PTBP3: variants seen among roughly 807,000 people sequenced by gnomAD.
PTBP3 encodes the protein polypyrimidine tract binding protein 3.
A neutral mutation model predicts 58.7 loss-of-function variants in PTBP3; 20 were observed. The ratio of observed to expected loss-of-function variants is 0.34; its 90% CI spans 0.24 to 0.50. PTBP3 has a LOEUF of 0.50. Among genes scored for constraint, PTBP3 ranks in the 20% least tolerant of loss-of-function variants. PTBP3 has a pLI of 0.98. For synonymous variants in PTBP3, 185 were observed against 219.8 expected (o/e 0.84, Z 1.40); for missense variants, 509 against 637.2 (o/e 0.80, Z 2.17).
At chr9:112,325,813 CA>C (rs1265946417) in intron 1 of PTBP3, among the ~76,000 whole-genome samples, 2 of 152,086 alleles carry the variant, frequency 1.3e-5, no homozygotes, top group African/African-American at 4.8e-5. Flanking sequence ...GGCTTGAGCC[CA>C]GGAGACCAGC....
At chr9:112,250,856 A>T in intron 7 of PTBP3, 73 bp downstream of exon 7, 1 of 1,345,174 alleles carries the variant, frequency 7.4e-7, no homozygotes, top group Non-Finnish European at 9.8e-7. Flanking sequence ...AGGCTTATAA[A>T]CATACATGGC....
At position 112,303,730 on chromosome 9, in the gene PTBP3, G is replaced by A. The variant is rs751946092; in HGVS notation, c.-51-5814C>T. Among the ~76,000 whole-genome samples, 163 of 152,282 alleles carry A rather than the reference G, an allele frequency of 1.1e-3. 1 individual carries two copies. Among genetic ancestry groups the A allele is most frequent in the Non-Finnish European group, 1.0e-3 (69 of 68,034 alleles). Reference sequence around the variant, plus strand: ...ATTACAAAAATTAGCCAGGTGTGGTGGTGTGCAACTCTAGCCCCAGCTACT... The same window carrying A: ...ATTACAAAAATTAGCCAGGTGTGGTAGTGTGCAACTCTAGCCCCAGCTACT... On this transcript the variant is annotated intron_variant, in intron 1 of 13. Coordinates refer to ENST00000374257, the MANE Select transcript of PTBP3 (RefSeq NM_001163788.4).
At chr9:112,367,904 C>G in the PTBP3 span, among the ~76,000 whole-genome samples, 1 of 152,094 alleles carries the variant, frequency 6.6e-6, no homozygotes, top group Non-Finnish European at 1.5e-5. Context: ...TTTCACTGTT[C>G]CTTCTGGAAC....
chr9:112,236,677 A>G (rs1835450650), intron 7 of PTBP3, among the ~76,000 whole-genome samples: 1 of 152,174 alleles, frequency 6.6e-6, no homozygotes, highest in Non-Finnish European at 1.5e-5. Flanking sequence ...AAGAGCACAT[A>G]TTTCCATGCA....
chr9:112,329,836 T>A (rs1830298465), intron 1 of PTBP3, among the ~76,000 whole-genome samples: 1 of 135,832 alleles, frequency 7.4e-6, no homozygotes, highest in African/African-American at 2.8e-5. Flanking sequence ...AATCAGAGCC[T>A]AGGCTACACT....
chr9:112,234,981 T>C (rs1460162204), intron 7 of PTBP3, 84 bp from the exon 8 acceptor site: 1 of 1,111,808 alleles, frequency 9.0e-7, no homozygotes, highest in Non-Finnish European at 1.3e-6. Flanking sequence ...TCTATGAAAG[T>C]ATATTACTAA....
chr9:112,295,993 C>T (rs374968961), intron 2 of PTBP3, among the ~76,000 whole-genome samples: 18 of 152,160 alleles, frequency 1.2e-4, no homozygotes, highest in Admixed American at 3.9e-4. Flanking sequence ...AAAACAAATT[C>T]GTAAACTTTC....
chr9:112,288,823 A>G (rs779064226), intron 2 of PTBP3, among the ~76,000 whole-genome samples: 1 of 152,240 alleles, frequency 6.6e-6, no homozygotes, highest in Non-Finnish European at 1.5e-5. Flanking sequence ...AGAGTTATTT[A>G]TCAAGTACGG....
Position 112,234,866 on chromosome 9 carries a change from T to G in PTBP3, c.834A>C (p.Ala278=). ...TGGCTGGGGCAAATCCAGCAGCCCC[T>G]GCATATGGTGAAGAAATTATACCCG... ...GAPGIISSPY[A]GAAGFAPAIG... The change falls in exon 8 of 14, where the codon GCA becomes GCC. Residue 278 remains alanine, a synonymous_variant. Coordinates refer to ENST00000374257, the MANE Select transcript of PTBP3 (RefSeq NM_001163788.4). The G allele has an allele frequency of 6.2e-7, 1 of 1,612,950 alleles. No homozygotes were observed. The highest frequency in any genetic ancestry group is 1.7e-5 in the Admixed American group (1 of 59,950).
intron 1 of PTBP3, chr9:112,333,134 G>A (rs1357116890): frequency 8.0e-7 from 1 of 1,250,414 alleles, no homozygotes; most frequent in African/African-American, 1.6e-5. Flanking sequence ...GGGAGGCCGA[G>A]CTGGGCTCCC....
chr9:112,343,932 AT>A, the PTBP3 span, among the ~76,000 whole-genome samples: 118 of 151,572 alleles, frequency 7.8e-4, no homozygotes, highest in African/African-American at 2.6e-3. Context: ...TATTTTACCC[AT>A]TTTTTTTCAT....
chr9:112,286,979 TA>T (rs1828148171), intron 2 of PTBP3, among the ~76,000 whole-genome samples: 1 of 152,180 alleles, frequency 6.6e-6, no homozygotes, highest in South Asian at 2.1e-4. Flanking sequence ...CTCCTCATTC[TA>T]ATCTTTATTC....
intron 7 of PTBP3, among the ~76,000 whole-genome samples, chr9:112,247,268 T>TAATTAATA (rs1554790894): frequency 2.1e-5 from 3 of 144,054 alleles, no homozygotes; most frequent in Non-Finnish European, 3.0e-5. Flanking sequence ...CCTGTTTCAA[T>TAATTAATA]AATAAATAAA....
intron 2 of PTBP3, among the ~76,000 whole-genome samples, chr9:112,278,565 A>C (rs1827724892): frequency 6.6e-6 from 1 of 152,250 alleles, no homozygotes; most frequent in Non-Finnish European, 1.5e-5. Flanking sequence ...GCGAATACCG[A>C]ACAAGTTACC....
intron 2 of PTBP3, among the ~76,000 whole-genome samples, chr9:112,277,866 T>C (rs1378268290): frequency 6.6e-6 from 1 of 151,262 alleles, no homozygotes; most frequent in East Asian, 1.9e-4. Context: ...ATTTTGAGAC[T>C]CTGTCTCAAA....
chr9:112,373,203 G>A, the PTBP3 span, among the ~76,000 whole-genome samples: 1 of 152,024 alleles, frequency 6.6e-6, no homozygotes, highest in East Asian at 1.9e-4. Context: ...GCCTACATGA[G>A]TTTATTAAGT....
At chr9:112,236,341 TATC>T (rs1367098174) in intron 7 of PTBP3, among the ~76,000 whole-genome samples, 3 of 152,236 alleles carry the variant, frequency 2.0e-5, no homozygotes, top group Admixed American at 2.0e-4. Flanking sequence ...GTTGAGAGCA[TATC>T]ATGAGCTAAG....
chr9:112,331,816 G>GT (rs1164417648), intron 1 of PTBP3, among the ~76,000 whole-genome samples: 2 of 152,152 alleles, frequency 1.3e-5, no homozygotes, highest in East Asian at 3.8e-4. Context: ...CTATCAAAAA[G>GT]TAAGTTTGCA....
chr9:112,286,474 C>T (rs547702959), intron 2 of PTBP3, among the ~76,000 whole-genome samples: 1 of 151,676 alleles, frequency 6.6e-6, no homozygotes, highest in African/African-American at 2.4e-5. Context: ...TAAGTGACTC[C>T]TGTGGAGTAG....
Sources: allele counts gnomAD v4.1 joint callset (sites outside exome capture counted in the v4.1 genomes callset), GRCh38; gene constraint gnomAD v4.1.1; transcripts MANE v1.5; gene names NCBI Gene and HGNC (gene_info 2026-07-23, HGNC 2026-07-21).